The following UBAP2 variants were observed in gnomAD, a reference collection of about 807,000 sequenced individuals.
The protein encoded by UBAP2 is ubiquitin associated protein 2.
In UBAP2, 75 loss-of-function variants were observed where a neutral mutation model predicts 139.6. The ratio of observed to expected loss-of-function variants is 0.54; its 90% confidence interval spans 0.45 to 0.65. The LOEUF (loss-of-function observed/expected upper bound fraction) is 0.65, where lower values mean the gene tolerates loss of function less well. Ranked by LOEUF, UBAP2 falls within the 30% of genes least tolerant of loss-of-function variation. The pLI is 0.00. For missense variants in UBAP2, 1,368 were observed against 1,369.6 expected, an observed-to-expected ratio of 1.00 and a Z score of 0.02; for synonymous variants, 526 against 526.2, an observed-to-expected ratio of 1.00 and a Z score of 0.01.
intron 1 of UBAP2, among the ~76,000 whole-genome samples, chr9:34,035,574 T>A (rs1184925440): frequency 7.4e-6 from 1 of 136,006 alleles, no homozygotes; most frequent in African/African-American, 2.7e-5. Context: ...TTCCAACTAC[T>A]CAGAGGAGGC....
intron 6 of UBAP2, among the ~76,000 whole-genome samples, chr9:33,982,801 G>GT (rs1820878352): frequency 6.6e-6 from 1 of 151,784 alleles, no homozygotes; most frequent in Admixed American, 6.6e-5. Context: ...TTTCCTCAAA[G>GT]TAATAACAGT....
At chr9:33,981,516 C>A (rs149475371) in intron 6 of UBAP2, among the ~76,000 whole-genome samples, 1 of 144,616 alleles carries the variant, frequency 6.9e-6, no homozygotes, top group African/African-American at 2.6e-5. Flanking sequence ...TCATCATGCC[C>A]GGCTAATTTT....
chr9:33,995,626 A>T (rs13291563), intron 4 of UBAP2: 1 of 142,430 alleles, frequency 7.0e-6, no homozygotes, highest in African/African-American at 2.6e-5. Flanking sequence ...TTTATAAATA[A>T]ATATATACAT....
At chr9:34,034,166 T>C (rs112984958) in intron 1 of UBAP2, among the ~76,000 whole-genome samples, 22 of 152,338 alleles carry the variant, frequency 1.4e-4, no homozygotes, top group African/African-American at 5.0e-4. Context: ...AAGTGATTTA[T>C]AAAAGTTCAA....
intron 1 of UBAP2, among the ~76,000 whole-genome samples, chr9:34,034,738 T>TGG (rs1826177952): frequency 6.6e-6 from 1 of 152,020 alleles, no homozygotes; most frequent in South Asian, 2.1e-4. Flanking sequence ...CCAGGTGTAG[T>TGG]GGCATGAGCC....
chr9:33,954,872 T>C (rs1046462981), intron 11 of UBAP2, among the ~76,000 whole-genome samples: 1 of 152,226 alleles, frequency 6.6e-6, no homozygotes, highest in Admixed American at 6.5e-5. Flanking sequence ...CCTGTTAGGT[T>C]CAAAACTGCC....
intron 1 of UBAP2, among the ~76,000 whole-genome samples, chr9:34,021,654 G>A (rs1413083398): frequency 7.3e-6 from 1 of 137,478 alleles, no homozygotes; most frequent in East Asian, 2.1e-4. Context: ...TTTTTTTTGA[G>A]ACGGAGGCTC....
chr9:33,971,873 G>A (rs1827941193), intron 7 of UBAP2, 119 bp from the exon 8 acceptor site: 3 of 628,790 alleles, frequency 4.8e-6, no homozygotes, highest in Non-Finnish European at 8.6e-6. Flanking sequence ...CACTGTAAAA[G>A]ACATCACCTC....
chr9:33,984,615 T>C (rs1030079574), intron 6 of UBAP2, among the ~76,000 whole-genome samples: 4 of 151,668 alleles, frequency 2.6e-5, no homozygotes, highest in African/African-American at 9.7e-5. Flanking sequence ...GATTTCAAGG[T>C]TGCAGTAAGT....
chr9:33,989,393 G>T (rs943009551), intron 4 of UBAP2, among the ~76,000 whole-genome samples: 1 of 151,998 alleles, frequency 6.6e-6, no homozygotes, highest in Non-Finnish European at 1.5e-5. Context: ...AGTGGAGATG[G>T]GGTTTCATCG....
chr9:33,998,930 G>A (rs1822438450), intron 2 of UBAP2, 66 bp from the exon 3 acceptor site: 1 of 1,358,308 alleles, frequency 7.4e-7, no homozygotes, highest in Non-Finnish European at 1.0e-6. Context: ...CCAAAATCTG[G>A]GTCAAACAGA....
At chr9:33,984,182 G>A (rs1821005289) in intron 6 of UBAP2, among the ~76,000 whole-genome samples, 1 of 152,044 alleles carries the variant, frequency 6.6e-6, no homozygotes, top group Admixed American at 6.6e-5. Flanking sequence ...GGGATTACAG[G>A]TATGAGCCAC....
chr9:33,983,093 T>C (rs1445753160), intron 6 of UBAP2, among the ~76,000 whole-genome samples: 1 of 152,078 alleles, frequency 6.6e-6, no homozygotes, highest in East Asian at 1.9e-4. Context: ...ATGGCCAGGC[T>C]GGTCTCGAAC....
intron 21 of UBAP2, 116 bp downstream of exon 21, chr9:33,926,873 A>T: frequency 9.2e-7 from 1 of 1,091,304 alleles, no homozygotes; most frequent in South Asian, 1.3e-5. Context: ...GGGGGTGCTC[A>T]GGGATGGAAG....
rs201063799 is a variant in UBAP2 at position 33,944,541 on chromosome 9, C to T, written c.1369G>A (p.Glu457Lys). 8 of 1,614,096 alleles carry T rather than the reference C, an allele frequency of 5.0e-6. No homozygotes were observed. The highest frequency in any genetic ancestry group is 1.7e-5 in the Admixed American group (1 of 60,000). ...AGTTTTGCCTGGGAAGGAAAGGACT[C>T]CAAACCAGGAGGAGGAACAGTGACT... ...QAVTVPPPGL[E>K]SFPSQAKLRE... Residue 457 changes from glutamate (E) to lysine (K), a missense_variant, in exon 14 of 29, where the codon GAG (glutamate) becomes AAG (lysine). Glu to Lys is a moderately conservative substitution (Grantham distance 56). Transcript: ENST00000379238.
chr9:33,988,411 G>A (rs1305518337), intron 5 of UBAP2, among the ~76,000 whole-genome samples: 1 of 152,080 alleles, frequency 6.6e-6, no homozygotes, highest in African/African-American at 2.4e-5. Flanking sequence ...AGGTTGTTTT[G>A]CATAAACAGT....
rs879369876 is a variant in UBAP2 at position 34,016,393 on chromosome 9, G to C, written c.99+657C>G. ...GGCGGTGGTGGTGGTGGTGGTGGTG[G>C]TGGTGGTGGTGGTGGTGGTGGCAGT... On this transcript the variant is annotated intron_variant, in intron 2 of 28. Transcript: ENST00000379238. Among the ~76,000 whole-genome samples the C allele has an allele frequency of 2.7e-4, 40 of 148,692 alleles. 2 individuals are homozygous for C. Among genetic ancestry groups the C allele is most frequent in the Non-Finnish European group, 3.3e-4 (22 of 67,072 alleles).
Position 33,923,847 on chromosome 9 carries a change from A to G in UBAP2, c.2744T>C (p.Leu915Pro), listed in dbSNP as rs1823168100. ...ALPPGYSYTG[L>P]PYYTGMPSAF... is the part of the protein sequence containing the mutation. The stretch of plus-strand genomic sequence containing the variant: ...ACTGGGCATGCCTGTGTAGTAGGGA[A>G]GACCAGTGTAGCTATAGCCAGGTGG... The change falls in exon 24 of 29, where the codon CTT (leucine) becomes CCT (proline). Residue 915 changes from leucine (L) to proline (P), a missense_variant. Transcript: ENST00000379238. The G allele has an allele frequency of 6.2e-7, 1 of 1,614,094 alleles. No individual in the cohort carries two copies. The highest frequency in any genetic ancestry group is 1.3e-5 in the African/African-American group (1 of 74,928).
chr9:34,047,666 A>G (rs148989144), intron 1 of UBAP2, among the ~76,000 whole-genome samples: 151 of 152,326 alleles, frequency 9.9e-4, no homozygotes, highest in African/African-American at 3.5e-3. Context: ...TAATCTTTGG[A>G]TACCTTATGG....
Sources: gnomAD v4.1 joint callset for allele counts (sites outside exome capture counted in the v4.1 genomes callset) on GRCh38, gnomAD v4.1.1 for gene constraint, MANE v1.5 for transcripts, NCBI Gene and HGNC (gene_info 2026-07-23, HGNC 2026-07-21) for gene names.